RELN: variants seen among roughly 807,000 people sequenced by gnomAD.
RELN encodes the protein reelin.
A neutral mutation model predicts 427.6 loss-of-function variants in RELN; 108 were observed. The ratio of observed to expected loss-of-function variants is 0.25; its 90% CI spans 0.22 to 0.30. RELN has a LOEUF of 0.30. RELN is among the 10% of genes least tolerant of loss of function. The pLI, the probability that RELN is intolerant of heterozygous loss-of-function variation, is 1.00. For missense variants in RELN, 3,715 were observed against 4,302.8 expected (o/e 0.86, Z 3.82); for synonymous variants, 1,524 against 1,513.4 (o/e 1.01, Z -0.16).
rs56053752 is a variant in RELN, at chr7:103,722,955, G to A, written c.805+185C>T. Among the ~76,000 whole-genome samples, 37,698 of 152,032 alleles carry A rather than the reference G, an allele frequency of 0.25. 4,825 individuals carry two copies. The highest frequency in any genetic ancestry group is 0.38 in the South Asian group (1,830 of 4,822). Reference sequence around the variant, plus strand: ...ATACCATTCACTGCTGGAGAGAAGTGAGAACAGAATGTAACATTTAAAAAT... The same window carrying A: ...ATACCATTCACTGCTGGAGAGAAGTAAGAACAGAATGTAACATTTAAAAAT... On this transcript the variant is annotated intron_variant, in intron 8 of 64. Coordinates refer to ENST00000428762, the MANE Select transcript of RELN (RefSeq NM_005045.4).
At chr7:103,572,057 C>A in intron 31 of RELN, 127 bp downstream of exon 31, 1 of 703,656 alleles carries the variant, frequency 1.4e-6, no homozygotes, top group South Asian at 1.5e-5. Context: ...TTCTACAAAG[C>A]AGAAGAGAAG....
intron 6 of RELN, among the ~76,000 whole-genome samples, chr7:103,746,741 G>A (rs200613958): frequency 0.23 from 33,867 of 148,456 alleles, 5,247 homozygotes; most frequent in African/African-American, 0.44. Flanking sequence ...TTAGAATGGC[G>A]ATCATTAAAA....
At chr7:103,828,687 C>G (rs1187771949) in intron 3 of RELN, among the ~76,000 whole-genome samples, 6 of 151,888 alleles carry the variant, frequency 4.0e-5, no homozygotes, top group East Asian at 3.8e-4. Context: ...AGGATATGAT[C>G]AATATCCATA....
At chr7:103,534,278 T>C (rs17152635) in intron 46 of RELN, among the ~76,000 whole-genome samples, 8,006 of 152,286 alleles carry the variant, frequency 0.053, 286 homozygotes, top group South Asian at 0.16. Flanking sequence ...TGAAAACCAT[T>C]TTCTTGGAGG....
intron 28 of RELN, 23 bp downstream of exon 28, chr7:103,589,566 GCCCAAAC>G: frequency 3.4e-6 from 5 of 1,464,472 alleles, no homozygotes; most frequent in Non-Finnish European, 4.8e-6. Flanking sequence ...TTTCTTAATG[GCCCAAAC>G]CCATTAAGAA....
intron 10 of RELN, among the ~76,000 whole-genome samples, chr7:103,693,821 G>A (rs553014430): frequency 6.6e-6 from 1 of 152,174 alleles, no homozygotes; most frequent in South Asian, 2.1e-4. Flanking sequence ...ACATTAGACT[G>A]TTGATTTATC....
intron 3 of RELN, 73 bp from the exon 4 acceptor site, chr7:103,776,700 T>TA: frequency 1.4e-6 from 2 of 1,437,728 alleles, no homozygotes; most frequent in Non-Finnish European, 2.0e-6. Context: ...TAAAACTTTT[T>TA]AAAAAGCTTA....
At chr7:103,684,071 A>T (rs1266466297) in intron 10 of RELN, among the ~76,000 whole-genome samples, 1 of 152,100 alleles carries the variant, frequency 6.6e-6, no homozygotes, top group African/African-American at 2.4e-5. Flanking sequence ...GGCCTGTAAA[A>T]CTGGGGATGG....
intron 2 of RELN, among the ~76,000 whole-genome samples, chr7:103,838,492 A>T (rs1450417693): frequency 1.3e-5 from 2 of 152,166 alleles, no homozygotes; most frequent in Non-Finnish European, 2.9e-5. Context: ...GACAAAAATC[A>T]TCAAGCCAGA....
chr7:103,981,728 C>T (rs1796993754), intron 1 of RELN, among the ~76,000 whole-genome samples: 1 of 152,214 alleles, frequency 6.6e-6, no homozygotes, highest in Admixed American at 6.5e-5. Context: ...AGTTTTGTTC[C>T]ACCATCATTG....
At chr7:103,637,671 A>G (rs967594682) in intron 17 of RELN, among the ~76,000 whole-genome samples, 2 of 152,216 alleles carry the variant, frequency 1.3e-5, no homozygotes, top group African/African-American at 4.8e-5. Flanking sequence ...AGGAAAGCCA[A>G]TATTTACTGG....
At chr7:103,635,727 T>C (rs1001503613) in intron 18 of RELN, 141 bp from the exon 19 acceptor site, 2 of 684,872 alleles carry the variant, frequency 2.9e-6, no homozygotes, top group African/African-American at 3.6e-5. Context: ...GTTAGATATA[T>C]GAATATGTGT....
intron 2 of RELN, among the ~76,000 whole-genome samples, chr7:103,841,603 C>T (rs1584287215): frequency 6.6e-6 from 1 of 152,064 alleles, no homozygotes; most frequent in African/African-American, 2.4e-5. Flanking sequence ...GTGACTAAAC[C>T]TTGTGTGAAC....
chr7:103,978,152 T>C (rs549610202), intron 1 of RELN, among the ~76,000 whole-genome samples: 1 of 152,338 alleles, frequency 6.6e-6, no homozygotes, highest in East Asian at 1.9e-4. Flanking sequence ...AGTCACCATG[T>C]TGTACAATAG....
At chr7:103,794,912 G>C (rs1407097006) in intron 3 of RELN, among the ~76,000 whole-genome samples, 4 of 152,148 alleles carry the variant, frequency 2.6e-5, no homozygotes, top group Admixed American at 2.6e-4. Context: ...TAAGAACTCA[G>C]CCCATATCAA....
In RELN at chr7:103,626,283, C is replaced by A. The variant is rs1209708680; in HGVS notation, c.2702+3657G>T. Among the ~76,000 whole-genome samples the A allele has an allele frequency of 2.0e-5, 3 of 152,044 alleles. No homozygotes were observed. The highest frequency in any genetic ancestry group is 7.2e-5 in the African/African-American group (3 of 41,418). ...TACGACCTCAAAGCCTATGTTTCTA[C>A]CACACCATATTTCCTAAAAACAATT... On this transcript the variant is annotated intron_variant, in intron 20 of 64. Coordinates refer to ENST00000428762, the MANE Select transcript of RELN (RefSeq NM_005045.4). The surrounding 1 kb of genome is among the most constrained non-coding windows in gnomAD (Gnocchi z 4.4).
chr7:103,533,540 A>G (rs950434071), intron 46 of RELN, among the ~76,000 whole-genome samples: 1 of 152,158 alleles, frequency 6.6e-6, no homozygotes, highest in Non-Finnish European at 1.5e-5. Context: ...TTTCTTTCTG[A>G]ATTACCCAAA....
chr7:103,491,527 T>G (rs1444201417), intron 58 of RELN, among the ~76,000 whole-genome samples: 1 of 152,158 alleles, frequency 6.6e-6, no homozygotes, highest in East Asian at 1.9e-4. Context: ...AACTACCACT[T>G]TTAAGATATA....
At chr7:103,496,414 G>A in intron 56 of RELN, 112 bp downstream of exon 56, 2 of 1,390,052 alleles carry the variant, frequency 1.4e-6, no homozygotes, top group Non-Finnish European at 2.0e-6. Context: ...TTGTTGAGCA[G>A]GAGTATGGGC....
Sources: allele counts gnomAD v4.1 joint callset (sites outside exome capture counted in the v4.1 genomes callset), GRCh38; gene constraint gnomAD v4.1.1; non-coding constraint Gnocchi (gnomAD v3.1); transcripts MANE v1.5; gene names NCBI Gene and HGNC (gene_info 2026-07-23, HGNC 2026-07-21).